MICU3: variants seen among roughly 807,000 people sequenced by gnomAD.
The protein encoded by MICU3 is calcium uptake protein 3, mitochondrial.
Under a neutral mutation model 66.5 loss-of-function variants are expected in MICU3, and 62 were observed. The ratio of observed to expected loss-of-function variants is 0.93; its 90% CI spans 0.76 to 1.15. The LOEUF is 1.15. Among genes scored for constraint, MICU3 ranks in the 50% most tolerant of loss-of-function variants. The pLI is 0.00. For synonymous variants in MICU3, 308 were observed against 240.7 expected (o/e 1.28, Z -2.59); for missense variants, 779 against 664.4 (o/e 1.17, Z -1.90).
At chr8:17,073,569 A>C (rs925207555) in intron 3 of MICU3, among the ~76,000 whole-genome samples, 1 of 152,204 alleles carries the variant, frequency 6.6e-6, no homozygotes, top group Non-Finnish European at 1.5e-5. Context: ...TAATAGAAAT[A>C]GAGTGCACAA....
intron 1 of MICU3, among the ~76,000 whole-genome samples, chr8:17,044,391 C>T (rs1814712704): frequency 6.6e-6 from 1 of 152,184 alleles, no homozygotes; most frequent in Non-Finnish European, 1.5e-5. Context: ...AAGTAGCATT[C>T]TTAGATGGTA....
chr8:17,096,573 GC>G (rs1254061651), intron 8 of MICU3, among the ~76,000 whole-genome samples: 2 of 151,642 alleles, frequency 1.3e-5, no homozygotes, highest in Non-Finnish European at 2.9e-5. Context: ...TGTTGTTTCT[GC>G]CCTCAGAAAC....
At chr8:17,097,871 A>G (rs1437141288) in intron 8 of MICU3, among the ~76,000 whole-genome samples, 2 of 151,786 alleles carry the variant, frequency 1.3e-5, no homozygotes, top group Admixed American at 6.6e-5. Context: ...GTAATAAATA[A>G]TAAGTAGTAC....
chr8:17,117,935 A>C (rs1342007696), intron 13 of MICU3, among the ~76,000 whole-genome samples: 1 of 152,204 alleles, frequency 6.6e-6, no homozygotes, highest in Non-Finnish European at 1.5e-5. Flanking sequence ...AAAGAGAAAA[A>C]GTTATATATC....
At chr8:17,059,533 A>G (rs1216043396) in intron 1 of MICU3, among the ~76,000 whole-genome samples, 1 of 152,226 alleles carries the variant, frequency 6.6e-6, no homozygotes, top group Non-Finnish European at 1.5e-5. Context: ...CGAAAATGAG[A>G]TATAAATGCT....
the MICU3 span, among the ~76,000 whole-genome samples, chr8:17,130,112 C>A: frequency 6.6e-6 from 1 of 152,138 alleles, no homozygotes; most frequent in Non-Finnish European, 1.5e-5. Context: ...GTTAAAAGAA[C>A]TTCTTTAGGC....
At chr8:17,126,287 T>A (rs1189409930), downstream of MICU3, among the ~76,000 whole-genome samples, 1 of 152,164 alleles carries the variant, frequency 6.6e-6, no homozygotes, top group Admixed American at 6.5e-5. Flanking sequence ...TGCAGGCATT[T>A]AAGTTCTCTA....
chr8:17,100,449 T>C (rs1469889053), intron 9 of MICU3, among the ~76,000 whole-genome samples: 1 of 151,770 alleles, frequency 6.6e-6, no homozygotes, highest in Non-Finnish European at 1.5e-5. Flanking sequence ...AGAATAATAA[T>C]TGAGAATTAA....
intron 1 of MICU3, among the ~76,000 whole-genome samples, chr8:17,061,140 A>C (rs986905630): frequency 6.6e-6 from 1 of 152,276 alleles, no homozygotes; most frequent in South Asian, 2.1e-4. Flanking sequence ...AGTAGTAATG[A>C]GTCCCTGAAC....
At chr8:17,084,040 C>G (rs866806047) in intron 5 of MICU3, among the ~76,000 whole-genome samples, 136 of 152,070 alleles carry the variant, frequency 8.9e-4, no homozygotes, top group African/African-American at 3.2e-3. Context: ...CAGGACTCAC[C>G]AACAGAAGCT....
At chr8:17,043,412 G>A (rs1283663809) in intron 1 of MICU3, among the ~76,000 whole-genome samples, 1 of 152,176 alleles carries the variant, frequency 6.6e-6, no homozygotes, top group Non-Finnish European at 1.5e-5. Flanking sequence ...GAGGTTACTT[G>A]TAATTGTCCA....
chr8:17,115,051 G>A (rs1361653706), intron 12 of MICU3, among the ~76,000 whole-genome samples: 13 of 150,244 alleles, frequency 8.7e-5, no homozygotes, highest in South Asian at 4.2e-4. Flanking sequence ...CCCGGGAGGC[G>A]GAGCTTGCAG....
At chr8:17,109,176 T>C (rs1801989889) in intron 11 of MICU3, among the ~76,000 whole-genome samples, 1 of 152,098 alleles carries the variant, frequency 6.6e-6, no homozygotes, top group African/African-American at 2.4e-5. Context: ...CATAGCATAA[T>C]CATATTCTAA....
chr8:17,098,643 A>G, intron 9 of MICU3, 90 bp downstream of exon 9: 1 of 830,406 alleles, frequency 1.2e-6, no homozygotes, highest in Non-Finnish European at 2.0e-6. Context: ...ATGAAACCCA[A>G]CATGTATGTT....
At chr8:17,040,653 T>A (rs1362850866) in intron 1 of MICU3, among the ~76,000 whole-genome samples, 1 of 152,196 alleles carries the variant, frequency 6.6e-6, no homozygotes, top group African/African-American at 2.4e-5. Flanking sequence ...GAAAAAAAAT[T>A]CATTTTCTTT....
rs201128602 is a variant in MICU3, at chr8:17,098,517, T to A, written c.948T>A (p.Arg316=). The change falls in exon 9 of 15, where the codon CGT becomes CGA. Residue 316 remains arginine, a synonymous_variant. Coordinates refer to ENST00000318063, the MANE Select transcript of MICU3 (RefSeq NM_181723.3). ...VSRSYWDTLR[R]NTSQALFSDL... ...GAAGCTATTGGGATACACTGAGACG[T>A]AACACAAGCCAAGCACTGTTTTCAG... The A allele has an allele frequency of 2.7e-5, 43 of 1,611,716 alleles. No individual in the cohort carries two copies. In the East Asian group the frequency reaches 9.6e-4, roughly 36 times the overall value.
At chr8:17,108,332 C>T (rs1280501681) in intron 11 of MICU3, among the ~76,000 whole-genome samples, 1 of 152,134 alleles carries the variant, frequency 6.6e-6, no homozygotes, top group Non-Finnish European at 1.5e-5. Context: ...TGTATATCCA[C>T]ATTGTCTGCA....
At position 17,108,198 on chromosome 8, in the gene MICU3, T is replaced by A. The variant is rs142207021; in HGVS notation, c.1257+2614T>A. On this transcript the variant is annotated intron_variant, in intron 11 of 14. Transcript: ENST00000318063. Reference sequence around the variant, plus strand: ...AGGGTTAGGAGGGAATCAAGAGTTTTATTAGGAACCAGTCATATTTTAGAT... The same window carrying A: ...AGGGTTAGGAGGGAATCAAGAGTTTAATTAGGAACCAGTCATATTTTAGAT... Among the ~76,000 whole-genome samples the A allele has an allele frequency of 3.6e-4, 55 of 152,298 alleles. 2 individuals are homozygous for A. Among genetic ancestry groups the A allele is most frequent in the Admixed American group, 3.1e-3 (47 of 15,282 alleles).
intron 1 of MICU3, among the ~76,000 whole-genome samples, chr8:17,034,537 A>G (rs1180454752): frequency 6.6e-6 from 1 of 152,242 alleles, no homozygotes; most frequent in Admixed American, 6.5e-5. Flanking sequence ...AGGATTTACC[A>G]TTCTAGATGC....
Sources: allele counts gnomAD v4.1 joint callset (sites outside exome capture counted in the v4.1 genomes callset), GRCh38; gene constraint gnomAD v4.1.1; transcripts MANE v1.5; gene names NCBI Gene and HGNC (gene_info 2026-07-23, HGNC 2026-07-21).